Variants in ARHGAP35 observed in about 807,000 individuals in gnomAD.
The protein encoded by ARHGAP35 is Rho GTPase activating protein 35.
Under a neutral mutation model 111.1 loss-of-function variants are expected in ARHGAP35, and 15 were observed. That is an observed-to-expected ratio of 0.13 (90% CI 0.09 to 0.21). The LOEUF is 0.21. Ranked by LOEUF, ARHGAP35 falls within the 10% of genes least tolerant of loss-of-function variation. The probability of loss-of-function intolerance (pLI) is 1.00; values close to 1 mark genes in which losing one functional copy is unlikely to be tolerated. For missense variants in ARHGAP35, 1,262 were observed against 1,873.0 expected, an observed-to-expected ratio of 0.67 and a Z score of 6.02; for synonymous variants, 643 against 710.3, an observed-to-expected ratio of 0.91 and a Z score of 1.51.
In ARHGAP35 at chr19:46,994,836, C is replaced by T. The variant is rs2056698729; in HGVS notation, c.4037-4468C>T. On this transcript the variant is annotated intron_variant, in intron 5 of 6. Coordinates refer to ENST00000672722, the MANE Select transcript of ARHGAP35 (RefSeq NM_004491.5). The surrounding 1 kb of genome is among the most constrained non-coding windows in gnomAD (Gnocchi z 5.4). ...ACCCACTGCGGATGAACAAATGACC[C>T]AAGGAGGAGGGGCCTCCCAAATCCG... Among the ~76,000 whole-genome samples, 1 of 152,164 alleles carries T rather than the reference C, an allele frequency of 6.6e-6. No individual in the cohort carries two copies. The highest frequency in any genetic ancestry group is 2.1e-4 in the South Asian group (1 of 4,828).
At chr19:46,936,044 A>T (rs2056305451) in intron 2 of ARHGAP35, among the ~76,000 whole-genome samples, 1 of 152,118 alleles carries the variant, frequency 6.6e-6, no homozygotes, top group African/African-American at 2.4e-5. Flanking sequence ...TAAAAGAAAT[A>T]ATATTTGGCA....
chr19:46,923,809 T>C (rs960270764), intron 2 of ARHGAP35, among the ~76,000 whole-genome samples: 5 of 151,402 alleles, frequency 3.3e-5, no homozygotes, highest in Non-Finnish European at 7.4e-5. Flanking sequence ...TAGTCCCAGC[T>C]ACTCAGGAGG....
Position 46,869,343 on chromosome 19 carries a change from G to A in ARHGAP35, c.-189+8134G>A, listed in dbSNP as rs531960583. On this transcript the variant is annotated intron_variant, in intron 1 of 6. Coordinates refer to ENST00000672722, the MANE Select transcript of ARHGAP35 (RefSeq NM_004491.5). Reference sequence around the variant, plus strand: ...GTGGTGGCTCACGCCTGTAATCCCAGCACTTTGGAAGGCCAAGGTGGGCAG... The same window carrying A: ...GTGGTGGCTCACGCCTGTAATCCCAACACTTTGGAAGGCCAAGGTGGGCAG... 4.6e-5 allele frequency among the ~76,000 whole-genome samples: 7 copies of A among 152,248 alleles called. No homozygotes were observed. The East Asian group carries it at 1.2e-3, about 25-fold the overall frequency.
intron 1 of ARHGAP35, among the ~76,000 whole-genome samples, chr19:46,904,229 G>T (rs181704140): frequency 1.6e-4 from 24 of 152,312 alleles, no homozygotes; most frequent in African/African-American, 5.5e-4. Context: ...TTCAGCTTCC[G>T]CATCTGTGAC....
At position 46,937,245 on chromosome 19, in the gene ARHGAP35, C is replaced by G. The variant is rs1421108618; in HGVS notation, c.3682-19C>G. On this transcript the variant is annotated intron_variant, in intron 2 of 6. Coordinates refer to ENST00000672722, the MANE Select transcript of ARHGAP35 (RefSeq NM_004491.5). ...ATACTCACTTTGTTTTTGTGCTTCC[C>G]TTTCTCTTTCCTGGACAGAAACCAA... 2.5e-6 allele frequency: 4 copies of G among 1,613,086 alleles called. No homozygotes were observed. The highest frequency in any genetic ancestry group is 1.7e-6 in the Non-Finnish European group (2 of 1,179,444).
At chr19:46,885,600 A>C (rs1361811609) in intron 1 of ARHGAP35, among the ~76,000 whole-genome samples, 2 of 152,084 alleles carry the variant, frequency 1.3e-5, no homozygotes, top group African/African-American at 4.8e-5. Flanking sequence ...ACTAACCTTG[A>C]TCATTGGGAA....
At chr19:46,895,749 T>TC (rs774118611) in intron 1 of ARHGAP35, among the ~76,000 whole-genome samples, 1 of 152,156 alleles carries the variant, frequency 6.6e-6, no homozygotes, top group Non-Finnish European at 1.5e-5. Flanking sequence ...AGTCTCCAGG[T>TC]CCCAATGCCC....
intron 1 of ARHGAP35, among the ~76,000 whole-genome samples, chr19:46,879,771 T>C (rs2055949302): frequency 1.7e-5 from 2 of 115,852 alleles, no homozygotes; most frequent in Admixed American, 1.7e-4. Flanking sequence ...GTGGCAGAAC[T>C]AGACTCTTGT....
chr19:46,970,165 A>G (rs1451804039), intron 3 of ARHGAP35, among the ~76,000 whole-genome samples: 1 of 152,196 alleles, frequency 6.6e-6, no homozygotes, highest in Non-Finnish European at 1.5e-5. Flanking sequence ...TGATCACTTC[A>G]AGATCTCATC....
intron 3 of ARHGAP35, among the ~76,000 whole-genome samples, chr19:46,967,138 G>T (rs1407336256): frequency 6.6e-6 from 1 of 151,182 alleles, no homozygotes; most frequent in African/African-American, 2.4e-5. Flanking sequence ...CAGATCCCTA[G>T]AATTGTAAGG....
chr19:46,919,206 G>A lies in ARHGAP35; in HGVS notation c.531G>A (p.Gln177=), dbSNP rs1275946023. 1.7e-5 allele frequency: 28 copies of A among 1,613,814 alleles called. No homozygotes were observed. Among genetic ancestry groups the A allele is most frequent in the Non-Finnish European group, 2.3e-5 (27 of 1,179,886 alleles). ...SRGMNRNFDD[Q]LKFVSNLYNQ... is the part of the protein sequence containing the mutation. ...GCATGAATAGGAACTTTGATGACCAGCTCAAGTTTGTCTCCAATCTCTACA... is the reference window on the plus strand; with the variant it reads ...GCATGAATAGGAACTTTGATGACCAACTCAAGTTTGTCTCCAATCTCTACA... The change falls in exon 2 of 7, where the codon CAG becomes CAA. Residue 177 remains glutamine (Q), a synonymous_variant. Coordinates refer to ENST00000672722, the MANE Select transcript of ARHGAP35 (RefSeq NM_004491.5). The surrounding 1 kb of genome is among the most constrained non-coding windows in gnomAD (Gnocchi z 6.2).
At chr19:46,862,584 C>A (rs1259601282) in intron 1 of ARHGAP35, among the ~76,000 whole-genome samples, 1 of 152,160 alleles carries the variant, frequency 6.6e-6, no homozygotes, top group Admixed American at 6.5e-5. Flanking sequence ...ACTTTCTTCT[C>A]GTTTTTTTCA....
chr19:46,953,676 G>C, intron 3 of ARHGAP35, among the ~76,000 whole-genome samples: 1 of 151,980 alleles, frequency 6.6e-6, no homozygotes, highest in African/African-American at 2.4e-5. Flanking sequence ...CCATATTGCC[G>C]GCATGGGTTC....
chr19:46,889,539 T>C (rs2056013806), intron 1 of ARHGAP35, among the ~76,000 whole-genome samples: 1 of 152,154 alleles, frequency 6.6e-6, no homozygotes, highest in South Asian at 2.1e-4. Context: ...TGCACCGCCT[T>C]AGGTGGTATA....
At chr19:46,990,385 G>T (rs1445708594) in intron 5 of ARHGAP35, among the ~76,000 whole-genome samples, 1 of 152,226 alleles carries the variant, frequency 6.6e-6, no homozygotes, top group Non-Finnish European at 1.5e-5. Flanking sequence ...CCTGGACTTT[G>T]TGTAGTACCA....
intron 3 of ARHGAP35, among the ~76,000 whole-genome samples, chr19:46,983,204 T>C (rs2056630643): frequency 6.6e-6 from 1 of 152,054 alleles, no homozygotes; most frequent in South Asian, 2.1e-4. Flanking sequence ...GAAATAGTGA[T>C]TTTGAGCATC....
intron 1 of ARHGAP35, among the ~76,000 whole-genome samples, chr19:46,876,355 A>G (rs2055921067): frequency 6.6e-6 from 1 of 151,640 alleles, no homozygotes; most frequent in African/African-American, 2.4e-5. Flanking sequence ...CATGCCACCA[A>G]GCCCAGCTAA....
At chr19:46,942,376 G>A (rs942225536) in intron 3 of ARHGAP35, among the ~76,000 whole-genome samples, 3 of 152,158 alleles carry the variant, frequency 2.0e-5, no homozygotes, top group South Asian at 2.1e-4. Flanking sequence ...GCTCACACCT[G>A]TAATCCCAGC....
rs556128451 is a variant in ARHGAP35 at position 46,884,579 on chromosome 19, C to T, written c.-189+23370C>T. Among the ~76,000 whole-genome samples the T allele has an allele frequency of 1.0e-4, 15 of 149,544 alleles. No homozygotes were observed. The Admixed American group carries it at 1.0e-3, about 10-fold the overall frequency. On this transcript the variant is annotated intron_variant, in intron 1 of 6. Transcript: ENST00000672722. Reference sequence around the variant, plus strand: ...GCAGTGGCATGCTCACAGCTCACTGCAGCCTCGACTTCCTGGGCTCAGATG... The same window carrying T: ...GCAGTGGCATGCTCACAGCTCACTGTAGCCTCGACTTCCTGGGCTCAGATG...
Sources: gnomAD v4.1 joint callset for allele counts (sites outside exome capture counted in the v4.1 genomes callset) on GRCh38, gnomAD v4.1.1 for gene constraint, Gnocchi (gnomAD v3.1) non-coding constraint, MANE v1.5 for transcripts, NCBI Gene and HGNC (gene_info 2026-07-23, HGNC 2026-07-21) for gene names.